MTURN: variants seen among roughly 807,000 people sequenced by gnomAD.
MTURN encodes the protein maturin.
In MTURN, 7 loss-of-function variants were observed where a neutral mutation model predicts 14.9. The observed-to-expected ratio is 0.47, with a 90% CI of 0.27 to 0.88. The LOEUF is 0.88. MTURN is among the 40% of genes least tolerant of loss of function. MTURN has a pLI of 0.14. For synonymous variants in MTURN, 69 were observed against 72.5 expected (o/e 0.95, Z 0.25); for missense variants, 151 against 174.1 (o/e 0.87, Z 0.75).
At chr7:30,149,664 G>A (rs73305194) in intron 2 of MTURN, among the ~76,000 whole-genome samples, 18,920 of 152,232 alleles carry the variant, frequency 0.12, 1,290 homozygotes, top group African/African-American at 0.16. Context: ...GTTTGTTACA[G>A]ATAAGACATA....
At position 30,157,637 on chromosome 7, in the gene MTURN, A is replaced by C; in HGVS notation, c.*89A>C. The C allele has an allele frequency of 1.2e-6, 1 of 859,760 alleles. No homozygotes were observed. The highest frequency in any genetic ancestry group is 2.1e-5 in the South Asian group (1 of 47,510). The allele number at this position is 859,760 out of a possible 1,614,324, so 53.3% of individuals were successfully genotyped here. ...TCCTGGGTTAGCATTTTGCATTAGCACTTCGAAATAGGACATCTGGCTCCC... is the reference window on the plus strand; with the variant it reads ...TCCTGGGTTAGCATTTTGCATTAGCCCTTCGAAATAGGACATCTGGCTCCC... On this transcript the variant is annotated 3_prime_UTR_variant, in exon 3 of 3. Transcript: ENST00000324453.
rs111454409 is a variant in MTURN at position 30,161,273 on chromosome 7, T to C, written c.*3725T>C. On this transcript the variant is annotated 3_prime_UTR_variant, in exon 3 of 3. Coordinates refer to ENST00000324453, the MANE Select transcript of MTURN (RefSeq NM_152793.3). Reference sequence around the variant, plus strand: ...AGATGAATAAGGGAGAATGGGAGAGTTGGGGTCTGACAGTTACCACCTGAG... The same window carrying C: ...AGATGAATAAGGGAGAATGGGAGAGCTGGGGTCTGACAGTTACCACCTGAG... 0.014 allele frequency: 2,180 copies of C among 152,024 alleles called. 24 individuals are homozygous for C. Among genetic ancestry groups the C allele is most frequent in the Non-Finnish European group, 0.019 (1,304 of 67,938 alleles). 9.4% of individuals were successfully genotyped at this position (152,024 alleles called of 1,614,324 possible).
At position 30,135,230 on chromosome 7, in the gene MTURN, G is replaced by T; in HGVS notation, c.94G>T (p.Asp32Tyr). The T allele has an allele frequency of 6.6e-7, 1 of 1,519,598 alleles. No homozygotes were observed. Among genetic ancestry groups the T allele is most frequent in the Non-Finnish European group, 8.8e-7 (1 of 1,132,094 alleles). 94.1% of individuals were successfully genotyped at this position (1,519,598 alleles called of 1,614,324 possible). ...CACCGAGGAGACCGAACGCAGGATG[G>T]ATTTCTACGCCGACCCCGGCGTCTC... ...IATEETERRM[D>Y]FYADPGVSFY... The change falls in exon 1 of 3, where the codon GAT becomes TAT. Residue 32 changes from aspartate to tyrosine, a missense_variant. By Grantham distance (160) the Asp-to-Tyr change is radical. Coordinates refer to ENST00000324453, the MANE Select transcript of MTURN (RefSeq NM_152793.3).
In MTURN at chr7:30,158,624, T is replaced by C. The variant is rs1225097615; in HGVS notation, c.*1076T>C. On this transcript the variant is annotated 3_prime_UTR_variant, in exon 3 of 3. Coordinates refer to ENST00000324453, the MANE Select transcript of MTURN (RefSeq NM_152793.3). The stretch of plus-strand genomic sequence containing the variant: ...AAAGGGACACGAAGGTAGGAATCTT[T>C]TAATCGTGGGTTAGCTTGGTTAACA... The C allele has an allele frequency of 3.9e-5, 6 of 152,210 alleles. No individual in the cohort carries two copies. Among genetic ancestry groups the C allele is most frequent in the Admixed American group, 2.6e-4 (4 of 15,292 alleles). 9.4% of individuals were successfully genotyped at this position (152,210 alleles called of 1,614,324 possible).
chr7:30,137,736 T>C (rs1796988163), intron 1 of MTURN: 1 of 458,706 alleles, frequency 2.2e-6, no homozygotes. Flanking sequence ...TGTCCTGCCT[T>C]AGTTCTTTTC....
Position 30,157,556 on chromosome 7 carries a change from G to A in MTURN, c.*8G>A, listed in dbSNP as rs1425573903. On this transcript the variant is annotated 3_prime_UTR_variant, in exon 3 of 3. Transcript: ENST00000324453. ...GGGGTCAGCCAGCAGTAAATCTGGG[G>A]GCTCCCCTGAGAAGGAGAGTGAGCC... 2 of 1,590,828 alleles carry A rather than the reference G, an allele frequency of 1.3e-6. No individual in the cohort carries two copies. The highest frequency in any genetic ancestry group is 1.4e-5 in the African/African-American group (1 of 73,542).
At chr7:30,135,605 GA>G (rs1435394672) in intron 1 of MTURN, among the ~76,000 whole-genome samples, 4 of 152,148 alleles carry the variant, frequency 2.6e-5, no homozygotes, top group Non-Finnish European at 5.9e-5. Context: ...GCCGTTTCGG[GA>G]ACCCGACCTC....
chr7:30,139,314 C>G (rs1797013060), intron 1 of MTURN, among the ~76,000 whole-genome samples: 3 of 152,238 alleles, frequency 2.0e-5, no homozygotes, highest in Non-Finnish European at 4.4e-5. Context: ...CTTTAGTACT[C>G]TCACATAATT....
At position 30,161,570 on chromosome 7, in the gene MTURN, G is replaced by A. The variant is rs1797375129; in HGVS notation, c.*4022G>A. 6.6e-6 allele frequency: 1 copy of A among 152,214 alleles called. No homozygotes were observed. Among genetic ancestry groups the A allele is most frequent in the African/African-American group, 2.4e-5 (1 of 41,426 alleles). 9.4% of individuals were successfully genotyped at this position (152,214 alleles called of 1,614,324 possible). On this transcript the variant is annotated 3_prime_UTR_variant, in exon 3 of 3. Transcript: ENST00000324453. ...AGGCACCCGGCAGGTAAATCACAAAGCAAACTTGGGTGTCCTTGGCAGCGG... is the reference window on the plus strand; with the variant it reads ...AGGCACCCGGCAGGTAAATCACAAAACAAACTTGGGTGTCCTTGGCAGCGG...
chr7:30,151,507 C>T (rs532618674), intron 2 of MTURN, among the ~76,000 whole-genome samples: 3 of 152,334 alleles, frequency 2.0e-5, no homozygotes, highest in Non-Finnish European at 4.4e-5. Flanking sequence ...AGACTTACTG[C>T]TGGGTAGAAA....
chr7:30,138,737 T>C (rs1562566899), intron 1 of MTURN, among the ~76,000 whole-genome samples: 1 of 152,174 alleles, frequency 6.6e-6, no homozygotes, highest in Non-Finnish European at 1.5e-5. Context: ...CTCAGCTGAA[T>C]TGACTTCCCA....
intron 1 of MTURN, among the ~76,000 whole-genome samples, chr7:30,135,560 C>T (rs1485677825): frequency 1.3e-5 from 2 of 151,972 alleles, no homozygotes; most frequent in African/African-American, 2.4e-5. Flanking sequence ...TGTGGCGTCC[C>T]CCTAAAGGCC....
At position 30,161,194 on chromosome 7, in the gene MTURN, A is replaced by G. The variant is rs1407840919; in HGVS notation, c.*3646A>G. ...TGGGAAACTGGTATGAACAGATCTGATTTCTTACAGAGAGGCATGAAGGAA... is the reference window on the plus strand; with the variant it reads ...TGGGAAACTGGTATGAACAGATCTGGTTTCTTACAGAGAGGCATGAAGGAA... On this transcript the variant is annotated 3_prime_UTR_variant, in exon 3 of 3. Transcript: ENST00000324453. 1 of 152,536 alleles carries G rather than the reference A, an allele frequency of 6.6e-6. No individual in the cohort carries two copies. Among genetic ancestry groups the G allele is most frequent in the Admixed American group, 6.5e-5 (1 of 15,282 alleles). 9.4% of individuals were successfully genotyped at this position (152,536 alleles called of 1,614,324 possible). A position where few individuals can be genotyped will look rare whatever the true frequency, so the allele number is the denominator to read the frequency against.
At chr7:30,137,447 T>C in intron 1 of MTURN, 2 of 368,958 alleles carry the variant, frequency 5.4e-6, no homozygotes, top group Non-Finnish European at 1.1e-5. Flanking sequence ...TATTATATTA[T>C]TTGTATCAGG....
In MTURN at chr7:30,157,750, C is replaced by G; in HGVS notation, c.*202C>G. 3.1e-6 allele frequency: 1 copy of G among 322,148 alleles called. No homozygotes were observed. The highest frequency in any genetic ancestry group is 7.3e-5 in the South Asian group (1 of 13,644). The allele number at this position is 322,148 out of a possible 1,614,324, so 20.0% of individuals were successfully genotyped here. ...TCAGAAGTGACCTGAATTTCACTCC[C>G]GCTTCAGTGGGGTTTCTATGGAGTT... On this transcript the variant is annotated 3_prime_UTR_variant, in exon 3 of 3. Coordinates refer to ENST00000324453, the MANE Select transcript of MTURN (RefSeq NM_152793.3).
Position 30,161,247 on chromosome 7 carries a change from G to A in MTURN, c.*3699G>A, listed in dbSNP as rs1030042273. 7 of 152,370 alleles carry A rather than the reference G, an allele frequency of 4.6e-5. No individual in the cohort carries two copies. Among genetic ancestry groups the A allele is most frequent in the African/African-American group, 1.7e-4 (7 of 41,432 alleles). 9.4% of individuals were successfully genotyped at this position (152,370 alleles called of 1,614,324 possible). A position where few individuals can be genotyped will look rare whatever the true frequency, so the allele number is the denominator to read the frequency against. ...GGCAGGACTTAACTTGGGGTGGGAGGAGATGAATAAGGGAGAATGGGAGAG... is the reference window on the plus strand; with the variant it reads ...GGCAGGACTTAACTTGGGGTGGGAGAAGATGAATAAGGGAGAATGGGAGAG... On this transcript the variant is annotated 3_prime_UTR_variant, in exon 3 of 3. Coordinates refer to ENST00000324453, the MANE Select transcript of MTURN (RefSeq NM_152793.3).
At chr7:30,142,711 C>G (rs1797069954) in intron 1 of MTURN, among the ~76,000 whole-genome samples, 1 of 152,092 alleles carries the variant, frequency 6.6e-6, no homozygotes, top group South Asian at 2.1e-4. Context: ...CTGATCCACA[C>G]TGAAGCTTGA....
At chr7:30,150,713 C>T (rs966692214) in intron 2 of MTURN, among the ~76,000 whole-genome samples, 4 of 152,194 alleles carry the variant, frequency 2.6e-5, no homozygotes, top group Non-Finnish European at 5.9e-5. Flanking sequence ...GAAGAATAGC[C>T]GGACCTAGAC....
intron 2 of MTURN, among the ~76,000 whole-genome samples, chr7:30,146,760 ATTC>A (rs1172033726): frequency 6.6e-6 from 1 of 152,164 alleles, no homozygotes; most frequent in African/African-American, 2.4e-5. Flanking sequence ...TACTGGCTCT[ATTC>A]TTTTCTATTT....
Sources: allele counts gnomAD v4.1 joint callset (sites outside exome capture counted in the v4.1 genomes callset), GRCh38; gene constraint gnomAD v4.1.1; transcripts MANE v1.5; gene names NCBI Gene and HGNC (gene_info 2026-07-23, HGNC 2026-07-21).